Variants in ZRANB3 observed in about 807,000 individuals in gnomAD.
ZRANB3 encodes zinc finger RANBP2-type containing 3, also known as DNA annealing helicase and endonuclease ZRANB3.
A neutral mutation model predicts 133.8 loss-of-function variants in ZRANB3; 125 were observed. That is an observed-to-expected ratio of 0.93 (90% CI 0.81 to 1.08). ZRANB3 has a LOEUF of 1.08. ZRANB3 is among the 50% of genes least tolerant of loss of function. The pLI is 0.00. For missense variants in ZRANB3, 1,229 were observed against 1,275.5 expected (o/e 0.96, Z 0.56); for synonymous variants, 387 against 432.7 (o/e 0.89, Z 1.31).
chr2:135,466,109 G>A lies in ZRANB3; in HGVS notation c.161+38220C>T, dbSNP rs142927941. Reference sequence around the variant, plus strand: ...TATATGAAGAATGGATGGGCCAGGCGTGGTGGCTCACGCCTATAATCCCAG... The same window carrying A: ...TATATGAAGAATGGATGGGCCAGGCATGGTGGCTCACGCCTATAATCCCAG... On this transcript the variant is annotated intron_variant, in intron 2 of 20. Transcript: ENST00000264159. Among the ~76,000 whole-genome samples the A allele has an allele frequency of 8.3e-4, 127 of 152,290 alleles. 1 individual carries two copies. In the East Asian group the frequency reaches 0.011, roughly 13 times the overall value.
At chr2:135,285,971 A>T (rs1479458227) in intron 8 of ZRANB3, among the ~76,000 whole-genome samples, 2 of 152,248 alleles carry the variant, frequency 1.3e-5, no homozygotes, top group East Asian at 3.8e-4. Context: ...ATTATCAGAG[A>T]TTCTCCAATA....
At chr2:135,261,279 T>C (rs535522081) in intron 12 of ZRANB3, among the ~76,000 whole-genome samples, 1 of 152,128 alleles carries the variant, frequency 6.6e-6, no homozygotes, top group South Asian at 2.1e-4. Context: ...AGAAGAAAAA[T>C]AAGTTAATCA....
chr2:135,508,396 C>T (rs374489773), intron 1 of ZRANB3, among the ~76,000 whole-genome samples: 107 of 152,288 alleles, frequency 7.0e-4, no homozygotes, highest in African/African-American at 2.4e-3. Flanking sequence ...CTCTGCCTCC[C>T]AAAGTGCTGG....
intron 2 of ZRANB3, among the ~76,000 whole-genome samples, chr2:135,487,127 T>C (rs890591231): frequency 1.3e-5 from 2 of 152,228 alleles, no homozygotes; most frequent in Admixed American, 6.5e-5. Context: ...ACATTCATCT[T>C]GTATATCTAC....
At chr2:135,519,365 G>A (rs899691394) in intron 1 of ZRANB3, among the ~76,000 whole-genome samples, 1 of 152,038 alleles carries the variant, frequency 6.6e-6, no homozygotes, top group Non-Finnish European at 1.5e-5. Flanking sequence ...AAACACCCTG[G>A]CTTGGGCATG....
At position 135,500,754 on chromosome 2, in the gene ZRANB3, AG is replaced by A. The variant is rs1356376022; in HGVS notation, c.161+3574del. Among the ~76,000 whole-genome samples the A allele has an allele frequency of 2.0e-5, 3 of 146,742 alleles. No homozygotes were observed. The East Asian group carries it at 5.9e-4, about 29-fold the overall frequency. On this transcript the variant is annotated intron_variant, in intron 2 of 20. Coordinates refer to ENST00000264159, the MANE Select transcript of ZRANB3 (RefSeq NM_032143.4). ...CCTTTGTCCATGTAAATTACATATC[AG>A]TAAAAAAAAAAAAAAAAAAAAAGTA...
At chr2:135,404,634 C>G (rs951496899) in intron 2 of ZRANB3, among the ~76,000 whole-genome samples, 17 of 152,196 alleles carry the variant, frequency 1.1e-4, no homozygotes, top group African/African-American at 3.9e-4. Context: ...AGAGCAACTC[C>G]AAGACACACA....
At chr2:135,231,272 A>C (rs1695000269) in intron 12 of ZRANB3, among the ~76,000 whole-genome samples, 1 of 152,180 alleles carries the variant, frequency 6.6e-6, no homozygotes, top group Non-Finnish European at 1.5e-5. Flanking sequence ...AGGTAAGATA[A>C]CTTGGTTAGA....
chr2:135,362,253 T>C (rs2104888484), intron 3 of ZRANB3, among the ~76,000 whole-genome samples: 1 of 152,246 alleles, frequency 6.6e-6, no homozygotes, highest in Admixed American at 6.5e-5. Context: ...TCTGTCTTCT[T>C]TTCTCATAAG....
intron 6 of ZRANB3, among the ~76,000 whole-genome samples, chr2:135,343,010 C>G (rs890557478): frequency 1.8e-5 from 1 of 55,232 alleles, no homozygotes; most frequent in African/African-American, 8.8e-5. Context: ...ACTAAAAATC[C>G]AAAAAAAAAA....
chr2:135,207,194 T>TAAATAAATAAATAAATAAA, intron 19 of ZRANB3, among the ~76,000 whole-genome samples: 1 of 141,108 alleles, frequency 7.1e-6, no homozygotes, highest in African/African-American at 2.9e-5. Flanking sequence ...AAATAAATAA[T>TAAATAAATAAATAAATAAA]AAATAAATAA....
At chr2:135,343,427 C>T (rs1212177999) in intron 6 of ZRANB3, among the ~76,000 whole-genome samples, 1 of 149,590 alleles carries the variant, frequency 6.7e-6, no homozygotes. Context: ...AGGATTTCTG[C>T]ATTTGTAGTC....
intron 2 of ZRANB3, 70 bp downstream of exon 2, chr2:135,504,259 G>A: frequency 6.4e-7 from 1 of 1,572,462 alleles, no homozygotes; most frequent in Non-Finnish European, 8.7e-7. Flanking sequence ...AAGAAAGTTT[G>A]AACAGAACTT....
chr2:135,402,775 G>A (rs1260583355), intron 2 of ZRANB3, among the ~76,000 whole-genome samples: 2 of 151,968 alleles, frequency 1.3e-5, no homozygotes, highest in Admixed American at 1.3e-4. Flanking sequence ...TTGTAGAGAC[G>A]AGGTTGCACC....
chr2:135,338,863 A>G lies in ZRANB3; in HGVS notation c.677+6687T>C, dbSNP rs567106949. Among the ~76,000 whole-genome samples the G allele has an allele frequency of 8.8e-4, 134 of 152,396 alleles. 1 individual carries two copies. Among genetic ancestry groups the G allele is most frequent in the Middle Eastern group, 3.4e-3 (1 of 294 alleles). ...GTGAATAACACATGTATAAGAACACACATGAACAATTACATACAATAGTAT... is the reference window on the plus strand; with the variant it reads ...GTGAATAACACATGTATAAGAACACGCATGAACAATTACATACAATAGTAT... On this transcript the variant is annotated intron_variant, in intron 6 of 20. Transcript: ENST00000264159.
At chr2:135,498,036 G>A (rs1692758564) in intron 2 of ZRANB3, among the ~76,000 whole-genome samples, 1 of 151,676 alleles carries the variant, frequency 6.6e-6, no homozygotes, top group Non-Finnish European at 1.5e-5. Flanking sequence ...CTGGGCGACA[G>A]CGAGACTCTG....
At chr2:135,482,848 G>C (rs1439233835) in intron 2 of ZRANB3, among the ~76,000 whole-genome samples, 2 of 152,062 alleles carry the variant, frequency 1.3e-5, no homozygotes, top group African/African-American at 2.4e-5. Flanking sequence ...TTTTGTCAAA[G>C]GCTTTTTCTG....
At chr2:135,437,757 A>G (rs1430746482) in intron 2 of ZRANB3, among the ~76,000 whole-genome samples, 1 of 152,226 alleles carries the variant, frequency 6.6e-6, no homozygotes, top group Non-Finnish European at 1.5e-5. Flanking sequence ...ACAAAATATA[A>G]GAGAATCTAA....
chr2:135,445,070 G>C (rs780635596), intron 2 of ZRANB3, among the ~76,000 whole-genome samples: 3 of 152,138 alleles, frequency 2.0e-5, no homozygotes, highest in Admixed American at 2.0e-4. Flanking sequence ...GAATTTTGCA[G>C]TAAAGAAGTA....
Sources: allele counts gnomAD v4.1 joint callset (sites outside exome capture counted in the v4.1 genomes callset), GRCh38; gene constraint gnomAD v4.1.1; transcripts MANE v1.5; gene names NCBI Gene and HGNC (gene_info 2026-07-23, HGNC 2026-07-21).